The following XKR4 variants were observed in gnomAD, a reference collection of about 807,000 sequenced individuals.
XKR4 encodes XK related 4, also known as XK-related protein 4.
Under a neutral mutation model 53.9 loss-of-function variants are expected in XKR4, and 12 were observed. The ratio of observed to expected loss-of-function variants is 0.22; its 90% CI spans 0.14 to 0.36. The LOEUF (loss-of-function observed/expected upper bound fraction) is 0.36, where lower values mean the gene tolerates loss of function less well. Among genes scored for constraint, XKR4 ranks in the 10% least tolerant of loss-of-function variants. XKR4 has a pLI of 1.00. For synonymous variants in XKR4, 354 were observed against 362.4 expected (o/e 0.98, Z 0.26); for missense variants, 799 against 859.5 (o/e 0.93, Z 0.88).
chr8:55,357,960 C>A, intron 2 of XKR4, 83 bp downstream of exon 2: 1 of 1,398,138 alleles, frequency 7.2e-7, no homozygotes, highest in Middle Eastern at 2.3e-4. Flanking sequence ...TGTCCTAATG[C>A]CCTTTGTTGA....
chr8:55,135,889 CTTTTT>C (rs71256514), intron 1 of XKR4, among the ~76,000 whole-genome samples: 24 of 145,998 alleles, frequency 1.6e-4, no homozygotes, highest in Middle Eastern at 3.4e-3. Flanking sequence ...AACATGCTCA[CTTTTT>C]TTTTTTTTTT....
At chr8:55,504,682 C>A (rs1806497685) in intron 2 of XKR4, among the ~76,000 whole-genome samples, 1 of 152,044 alleles carries the variant, frequency 6.6e-6, no homozygotes, top group Non-Finnish European at 1.5e-5. Context: ...TCCATCAGAT[C>A]CCTGGGCTTT....
chr8:55,437,968 AAG>A, intron 2 of XKR4, among the ~76,000 whole-genome samples: 1 of 33,880 alleles, frequency 3.0e-5, no homozygotes, highest in African/African-American at 2.6e-4. Context: ...AAAAAAAAAG[AAG>A]AAGAAGAAGA....
intron 1 of XKR4, among the ~76,000 whole-genome samples, chr8:55,209,509 G>C (rs1585940769): frequency 6.6e-6 from 1 of 152,188 alleles, no homozygotes. Flanking sequence ...TTTTAAGGTA[G>C]AGAGTATTGT....
chr8:55,413,662 T>C (rs1354556231), intron 2 of XKR4, among the ~76,000 whole-genome samples: 1 of 152,234 alleles, frequency 6.6e-6, no homozygotes, highest in East Asian at 1.9e-4. Flanking sequence ...CTGTTTAAGT[T>C]CTTTAAAACT....
intron 2 of XKR4, among the ~76,000 whole-genome samples, chr8:55,391,937 A>G (rs1399314725): frequency 6.6e-6 from 1 of 152,198 alleles, no homozygotes; most frequent in African/African-American, 2.4e-5. Context: ...TAATATTACT[A>G]TCGATCATTT....
intron 2 of XKR4, among the ~76,000 whole-genome samples, chr8:55,405,801 T>C (rs1178385165): frequency 1.3e-5 from 2 of 152,146 alleles, no homozygotes; most frequent in Non-Finnish European, 2.9e-5. Flanking sequence ...CAATGATCAT[T>C]TCACTGCTGC....
chr8:55,344,781 C>T (rs1803610560), intron 1 of XKR4, among the ~76,000 whole-genome samples: 1 of 152,180 alleles, frequency 6.6e-6, no homozygotes. Flanking sequence ...AGGCCCTGGC[C>T]ATAGTGCCTA....
intron 1 of XKR4, among the ~76,000 whole-genome samples, chr8:55,315,713 A>G (rs963020711): frequency 6.6e-6 from 1 of 152,148 alleles, no homozygotes; most frequent in Non-Finnish European, 1.5e-5. Flanking sequence ...CCACCTCATT[A>G]TGCCCATGCC....
intron 2 of XKR4, among the ~76,000 whole-genome samples, chr8:55,359,893 C>A (rs1366248147): frequency 6.6e-6 from 1 of 152,094 alleles, no homozygotes; most frequent in Non-Finnish European, 1.5e-5. Flanking sequence ...TTTTTTGAGT[C>A]TTTGGCTCTT....
intron 2 of XKR4, among the ~76,000 whole-genome samples, chr8:55,503,063 C>CT: frequency 6.6e-6 from 1 of 152,086 alleles, no homozygotes; most frequent in East Asian, 1.9e-4. Context: ...GTCTATTTGT[C>CT]TGTCTTTCTG....
rs1396250264 is a variant in XKR4, at chr8:55,216,522, G to A, written c.806+113228G>A. Among the ~76,000 whole-genome samples, 3 of 152,162 alleles carry A rather than the reference G, an allele frequency of 2.0e-5. No homozygotes were observed. The East Asian group carries it at 5.8e-4, about 29-fold the overall frequency. ...GCGGGCTGATCACCTGAGGTCAGGA[G>A]TTCGAGACCAGCCTGTCCAACATGG... On this transcript the variant is annotated intron_variant, in intron 1 of 2. Coordinates refer to ENST00000327381, the MANE Select transcript of XKR4 (RefSeq NM_052898.2).
chr8:55,401,107 G>A (rs950190150), intron 2 of XKR4, among the ~76,000 whole-genome samples: 3 of 152,192 alleles, frequency 2.0e-5, no homozygotes, highest in East Asian at 3.9e-4. Flanking sequence ...GTCAGTAACC[G>A]TGGAGACACG....
chr8:55,479,676 G>A (rs984029328), intron 2 of XKR4, among the ~76,000 whole-genome samples: 1 of 152,000 alleles, frequency 6.6e-6, no homozygotes, highest in Non-Finnish European at 1.5e-5. Context: ...GAAGAAAAGA[G>A]AGAAGAATCA....
At chr8:55,251,070 T>A (rs1818355156) in intron 1 of XKR4, among the ~76,000 whole-genome samples, 1 of 152,194 alleles carries the variant, frequency 6.6e-6, no homozygotes, top group African/African-American at 2.4e-5. Context: ...TATAGATATA[T>A]GTGTGGTATA....
intron 2 of XKR4, chr8:55,450,493 C>A: frequency 1.6e-6 from 1 of 629,558 alleles, no homozygotes; most frequent in Non-Finnish European, 3.0e-6. Flanking sequence ...CGTACAGCAG[C>A]CCCAGCTCAA....
intron 2 of XKR4, chr8:55,450,685 A>T: frequency 3.4e-6 from 2 of 587,544 alleles, no homozygotes; most frequent in Admixed American, 4.4e-5. Flanking sequence ...TCCAGCCAGA[A>T]TGTGGGCTCC....
chr8:55,326,019 C>CA (rs1375363760), intron 1 of XKR4, among the ~76,000 whole-genome samples: 3 of 152,128 alleles, frequency 2.0e-5, no homozygotes, highest in Non-Finnish European at 2.9e-5. Context: ...TGGATTAAGC[C>CA]AATTGTTTAG....
intron 1 of XKR4, among the ~76,000 whole-genome samples, chr8:55,301,327 T>A (rs924928912): frequency 3.9e-5 from 6 of 151,982 alleles, no homozygotes; most frequent in African/African-American, 1.2e-4. Context: ...ACATGAACTC[T>A]TCATTTTTTA....
Sources: allele counts gnomAD v4.1 joint callset (sites outside exome capture counted in the v4.1 genomes callset), GRCh38; gene constraint gnomAD v4.1.1; transcripts MANE v1.5; gene names NCBI Gene and HGNC (gene_info 2026-07-23, HGNC 2026-07-21).